The following TMEM276 variants were observed in gnomAD, a reference collection of about 807,000 sequenced individuals.
TMEM276 encodes the protein transmembrane protein 276.
the TMEM276 span, chr8:144,464,524 C>A: frequency 1.2e-6 from 2 of 1,612,334 alleles, no homozygotes; most frequent in Non-Finnish European, 1.7e-6. Flanking sequence ...TCCAGCAAGG[C>A]AGTCTTCGTG....
At chr8:144,464,776 G>T in the TMEM276 span, 1 of 1,610,448 alleles carries the variant, frequency 6.2e-7, no homozygotes, top group East Asian at 2.2e-5. Flanking sequence ...GGAGGTATGG[G>T]GATGCGCCCC....
chr8:144,464,258 C>T, the TMEM276 span: 1 of 1,613,264 alleles, frequency 6.2e-7, no homozygotes, highest in Non-Finnish European at 8.5e-7. Context: ...CTCAGGAGGC[C>T]TGCCACACCC....
At chr8:144,465,160 G>C in the TMEM276 span, 5 of 1,387,670 alleles carry the variant, frequency 3.6e-6, no homozygotes, top group Non-Finnish European at 3.8e-6. Context: ...GTCTAAGCTG[G>C]GGGGAACGTC....
chr8:144,466,776 G>A, the TMEM276 span: 15 of 1,532,452 alleles, frequency 9.8e-6, no homozygotes, highest in Non-Finnish European at 1.3e-5. Flanking sequence ...CGCAAGCCCC[G>A]GGGTCGCCGG....
chr8:144,464,720 C>T, the TMEM276 span: 1 of 1,563,490 alleles, frequency 6.4e-7, no homozygotes, highest in Non-Finnish European at 8.7e-7. Context: ...AGACGCACTT[C>T]CCACCAACCT....
At chr8:144,466,480 G>C in the TMEM276 span, 1 of 1,333,732 alleles carries the variant, frequency 7.5e-7, no homozygotes, top group South Asian at 1.9e-5. Flanking sequence ...CAGGGATGGT[G>C]GCGCCGCGGC....
At chr8:144,466,636 C>T in the TMEM276 span, 9 of 954,764 alleles carry the variant, frequency 9.4e-6, no homozygotes, top group East Asian at 9.9e-5. Flanking sequence ...GCCGAGGACC[C>T]TCGGCTCGGC....
the TMEM276 span, chr8:144,465,577 G>T: frequency 7.9e-3 from 1,563 of 198,524 alleles, 27 homozygotes; most frequent in African/African-American, 0.032. Flanking sequence ...AGACCTGGGG[G>T]GGGCCGGTTG....
chr8:144,466,789 C>T, the TMEM276 span: 1 of 1,534,840 alleles, frequency 6.5e-7, no homozygotes, highest in Non-Finnish European at 8.7e-7. Context: ...GTCGCCGGCG[C>T]CCAGACCTGC....
the TMEM276 span, chr8:144,465,104 G>A: frequency 1.6e-5 from 24 of 1,487,620 alleles, no homozygotes; most frequent in South Asian, 3.7e-5. Flanking sequence ...CACCTGTGGA[G>A]AAGAAGAACC....
the TMEM276 span, chr8:144,466,597 G>A: frequency 2.2e-6 from 2 of 896,678 alleles, no homozygotes; most frequent in Non-Finnish European, 2.9e-6. Flanking sequence ...GGGCGGGGGC[G>A]GGCACGGGGC....
chr8:144,465,152 C>T, the TMEM276 span: 1 of 1,416,382 alleles, frequency 7.1e-7, no homozygotes, highest in Non-Finnish European at 9.3e-7. Context: ...GACTCAGGGT[C>T]TAAGCTGGGG....
chr8:144,464,699 G>T, the TMEM276 span: 4 of 1,577,708 alleles, frequency 2.5e-6, no homozygotes, highest in African/African-American at 4.1e-5. Context: ...CTTCCATGGA[G>T]ACCTGGTCTT....
the TMEM276 span, chr8:144,466,441 C>G: frequency 2.3e-5 from 31 of 1,361,472 alleles, no homozygotes; most frequent in South Asian, 8.1e-5. Flanking sequence ...TTACTCGTTG[C>G]TCATCTACAT....
the TMEM276 span, chr8:144,465,247 G>A: frequency 8.8e-7 from 1 of 1,130,434 alleles, no homozygotes; most frequent in Non-Finnish European, 1.1e-6. Flanking sequence ...AGGCCCACGC[G>A]GCGGCCTCGG....
chr8:144,464,768 A>T, the TMEM276 span: 6 of 1,608,832 alleles, frequency 3.7e-6, no homozygotes, highest in African/African-American at 8.0e-5. Context: ...GGGGTTTGGG[A>T]GGTATGGGGA....
the TMEM276 span, chr8:144,466,289 A>G: frequency 4.4e-6 from 1 of 226,802 alleles, no homozygotes; most frequent in Admixed American, 5.8e-5. Flanking sequence ...CTCGCCTTCC[A>G]GCCGTGGGAG....
At chr8:144,466,469 G>C in the TMEM276 span, 1 of 1,352,676 alleles carries the variant, frequency 7.4e-7, no homozygotes, top group Non-Finnish European at 9.6e-7. Flanking sequence ...AGCCTCTTCC[G>C]CAGGGATGGT....
At chr8:144,466,705 G>C in the TMEM276 span, 4 of 1,383,790 alleles carry the variant, frequency 2.9e-6, no homozygotes, top group Non-Finnish European at 3.8e-6. Flanking sequence ...GCGGAGGGAA[G>C]GGGCCAGCAG....
Sources: allele counts gnomAD v4.1 joint callset, GRCh38; gene constraint gnomAD v4.1.1; transcripts MANE v1.5; gene names NCBI Gene and HGNC (gene_info 2026-07-23, HGNC 2026-07-21).